SYT17: variants seen among roughly 807,000 people sequenced by gnomAD.
SYT17 encodes the protein synaptotagmin-17.
Under a neutral mutation model 46.7 loss-of-function variants are expected in SYT17, and 22 were observed. That is an observed-to-expected ratio of 0.47 (90% CI 0.34 to 0.67). The LOEUF is 0.67. Ranked by LOEUF, SYT17 falls within the 30% of genes least tolerant of loss-of-function variation. The pLI is 0.01. For missense variants in SYT17, 519 were observed against 612.8 expected, an observed-to-expected ratio of 0.85 and a Z score of 1.62; for synonymous variants, 251 against 248.4, an observed-to-expected ratio of 1.01 and a Z score of -0.10.
chr16:19,215,397 C>T (rs1966056215), intron 5 of SYT17, among the ~76,000 whole-genome samples: 1 of 152,096 alleles, frequency 6.6e-6, no homozygotes, highest in African/African-American at 2.4e-5. Context: ...TTCAAACATC[C>T]AAATTATTAA....
chr16:19,197,944 T>G (rs1003810728), intron 5 of SYT17, among the ~76,000 whole-genome samples: 4 of 152,250 alleles, frequency 2.6e-5, no homozygotes, highest in African/African-American at 4.8e-5. Context: ...GATCTCATGA[T>G]AGCTAAGAGC....
At position 19,238,428 on chromosome 16, in the gene SYT17, G is replaced by T. The variant is rs144022994; in HGVS notation, c.1228+13590G>T. Among the ~76,000 whole-genome samples the T allele has an allele frequency of 5.5e-4, 84 of 152,314 alleles. 1 individual carries two copies. The East Asian group carries it at 0.012, about 21-fold the overall frequency. On this transcript the variant is annotated intron_variant, in intron 7 of 7. Transcript: ENST00000355377. ...GGAGATAGAAGCATAGACCTGACCT[G>T]TTACCCTGGGGTTCTCCTGGCAGAG...
intron 5 of SYT17, among the ~76,000 whole-genome samples, chr16:19,216,380 CT>C (rs5816039): frequency 0.6 from 84,728 of 141,486 alleles, 24,845 homozygotes; most frequent in African/African-American, 0.66. Context: ...ACAATTATTT[CT>C]TTTTTTTTTT....
intron 2 of SYT17, 22 bp from the exon 3 acceptor site, chr16:19,173,408 C>A: frequency 7.2e-7 from 1 of 1,387,158 alleles, no homozygotes; most frequent in Non-Finnish European, 9.8e-7. Context: ...ATCCCCCCGC[C>A]CACCTCCCCC....
intron 5 of SYT17, among the ~76,000 whole-genome samples, chr16:19,191,322 C>T (rs939569382): frequency 6.6e-6 from 1 of 152,110 alleles, no homozygotes; most frequent in Non-Finnish European, 1.5e-5. Flanking sequence ...GCCTTTGGGG[C>T]GGTGGTTAGG....
rs575577083 is a variant in SYT17, at chr16:19,221,186, C to CAAA, written c.952-1839_952-1837dup. Among the ~76,000 whole-genome samples the CAAA allele has an allele frequency of 5.1e-3, 322 of 62,794 alleles. 9 individuals carry two copies. Among genetic ancestry groups the CAAA allele is most frequent in the African/African-American group, 0.015 (308 of 20,510 alleles). The allele number at this position is 62,794 out of a possible 152,430, so 41.2% of individuals were successfully genotyped here. A position where few individuals can be genotyped will look rare whatever the true frequency, so the allele number is the denominator to read the frequency against. On this transcript the variant is annotated intron_variant, in intron 5 of 7. Coordinates refer to ENST00000355377, the MANE Select transcript of SYT17 (RefSeq NM_016524.4). ...TGAGTGATAGGGTGAGACCTTGTCT[C>CAAA]AAAAAAAAAAAAAAAAAAAAAAGAG...
In SYT17 at chr16:19,168,713, C is replaced by A; in HGVS notation, c.15+52C>A. On this transcript the variant is annotated intron_variant, in intron 1 of 7. Coordinates refer to ENST00000355377, the MANE Select transcript of SYT17 (RefSeq NM_016524.4). This position sits in a 1 kb window ranked among gnomAD's most constrained non-coding sequence, Gnocchi z 6.9. The stretch of plus-strand genomic sequence containing the variant: ...CGGGGTGCGGGTAGGGGGTGCCGCG[C>A]CCCCTCCGGCTGGGAGCGCGCGGAA... 2 of 1,431,050 alleles carry A rather than the reference C, an allele frequency of 1.4e-6. No homozygotes were observed. The highest frequency in any genetic ancestry group is 1.8e-6 in the Non-Finnish European group (2 of 1,088,330). The allele number at this position is 1,431,050 out of a possible 1,614,324, so 88.6% of individuals were successfully genotyped here.
intron 7 of SYT17, among the ~76,000 whole-genome samples, chr16:19,229,863 A>G (rs1041876135): frequency 6.6e-6 from 1 of 152,220 alleles, no homozygotes; most frequent in African/African-American, 2.4e-5. Flanking sequence ...ATACAATGGA[A>G]TATTACTCAG....
rs12445464 is a variant in SYT17 at position 19,267,490 on chromosome 16, C to T, written c.*414C>T. 0.51 allele frequency: 79,908 copies of T among 156,036 alleles called. 21,637 individuals are homozygous for T. Among genetic ancestry groups the T allele is most frequent in the East Asian group, 0.96 (5,132 of 5,326 alleles). 9.7% of individuals were successfully genotyped at this position (156,036 alleles called of 1,614,324 possible). On this transcript the variant is annotated 3_prime_UTR_variant, in exon 8 of 8. Coordinates refer to ENST00000355377, the MANE Select transcript of SYT17 (RefSeq NM_016524.4). ...AAGAGTTTGGCCAGTGTGTGGGAGA[C>T]TTGAACACCCCCCACTTCCGAAACA...
chr16:19,216,577 C>T lies in SYT17; in HGVS notation c.952-6468C>T, dbSNP rs192367348. 3.8e-4 allele frequency among the ~76,000 whole-genome samples: 58 copies of T among 152,180 alleles called. No homozygotes were observed. The East Asian group carries it at 4.3e-3, about 11-fold the overall frequency. On this transcript the variant is annotated intron_variant, in intron 5 of 7. Transcript: ENST00000355377. ...ATCCTGGTATGTGATATTCCCCTCC[C>T]TGTGTCCATGTGTTCTCATTGTTCA... is the stretch of plus-strand genomic sequence containing the variant.
Position 19,168,594 on chromosome 16 carries a change from A to G in SYT17, c.-53A>G. The G allele has an allele frequency of 6.5e-7, 1 of 1,542,548 alleles. No individual in the cohort carries two copies. The highest frequency in any genetic ancestry group is 8.8e-7 in the Non-Finnish European group (1 of 1,142,640). On this transcript the variant is annotated 5_prime_UTR_variant, in exon 1 of 8. Transcript: ENST00000355377. The surrounding 1 kb of genome is among the most constrained non-coding windows in gnomAD (Gnocchi z 6.9). ...TCCCCCTCCGCTGTTGGCGAGGGCAAAGTGGCCGTGGCGGCGCCATGCCCG... is the reference window on the plus strand; with the variant it reads ...TCCCCCTCCGCTGTTGGCGAGGGCAGAGTGGCCGTGGCGGCGCCATGCCCG...
chr16:19,198,426 C>T (rs1189179919), intron 5 of SYT17, among the ~76,000 whole-genome samples: 2 of 152,186 alleles, frequency 1.3e-5, no homozygotes, highest in African/African-American at 4.8e-5. Flanking sequence ...CCACTTCCAG[C>T]AGTGTGACCT....
intron 3 of SYT17, among the ~76,000 whole-genome samples, chr16:19,177,645 T>C (rs1261502651): frequency 6.6e-6 from 1 of 152,200 alleles, no homozygotes; most frequent in African/African-American, 2.4e-5. Context: ...GCAGATGAGC[T>C]GGCCCTTTGT....
chr16:19,174,721 A>G (rs1964245239), intron 3 of SYT17, among the ~76,000 whole-genome samples: 1 of 152,218 alleles, frequency 6.6e-6, no homozygotes, highest in Non-Finnish European at 1.5e-5. Context: ...ATGGGATGAT[A>G]AAAAGAATAG....
intron 7 of SYT17, among the ~76,000 whole-genome samples, chr16:19,246,391 T>C (rs1967568403): frequency 6.7e-6 from 1 of 149,204 alleles, no homozygotes; most frequent in South Asian, 2.2e-4. Context: ...TAATGAATAT[T>C]TGCAATATGA....
intron 7 of SYT17, among the ~76,000 whole-genome samples, chr16:19,233,376 G>A (rs1177326513): frequency 6.6e-6 from 1 of 152,048 alleles, no homozygotes; most frequent in Non-Finnish European, 1.5e-5. Flanking sequence ...TGGGGGCCAG[G>A]CACAGTGACT....
chr16:19,236,119 T>G (rs1289399356), intron 7 of SYT17, among the ~76,000 whole-genome samples: 2 of 152,152 alleles, frequency 1.3e-5, no homozygotes, highest in South Asian at 2.1e-4. Context: ...CAAACCACTC[T>G]TGTTCTTCCC....
At chr16:19,175,645 C>CAAAA (rs34788366) in intron 3 of SYT17, among the ~76,000 whole-genome samples, 9 of 67,768 alleles carry the variant, frequency 1.3e-4, no homozygotes, top group African/African-American at 3.6e-4. Context: ...AGCAAGACTT[C>CAAAA]AAAAAAAAAA....
chr16:19,246,413 T>C (rs570575643), intron 7 of SYT17, among the ~76,000 whole-genome samples: 3 of 152,306 alleles, frequency 2.0e-5, no homozygotes, highest in African/African-American at 7.2e-5. Context: ...TATGTAAAAA[T>C]GAATATCACT....
Sources: allele counts gnomAD v4.1 joint callset (sites outside exome capture counted in the v4.1 genomes callset), GRCh38; gene constraint gnomAD v4.1.1; non-coding constraint Gnocchi (gnomAD v3.1); transcripts MANE v1.5; gene names NCBI Gene and HGNC (gene_info 2026-07-23, HGNC 2026-07-21).